Variants in GRM6 observed in about 807,000 individuals in gnomAD.
GRM6 encodes the protein glutamate metabotropic receptor 6, also known as metabotropic glutamate receptor 6.
In GRM6, 73 loss-of-function variants were observed where a neutral mutation model predicts 78.4. The ratio of observed to expected loss-of-function variants is 0.93; its 90% CI spans 0.77 to 1.13. GRM6 has a LOEUF of 1.13. GRM6 is among the 50% of genes most tolerant of loss of function. The pLI is 0.00. For missense variants in GRM6, 1,251 were observed against 1,256.4 expected (o/e 1.00, Z 0.07); for synonymous variants, 580 against 555.0 (o/e 1.05, Z -0.63).
chr5:178,994,920 C>T lies in GRM6; in HGVS notation c.25G>A (p.Glu9Lys). Residue 9 changes from glutamate (E) to lysine (K), a missense_variant, in exon 2 of 11, where the codon GAG becomes AAG. By Grantham distance (56) the Glu-to-Lys change is moderately conservative. Transcript: ENST00000517717. ...GGCAGCAGCGCCACGAGCAGCGGCT[C>T]CCGGGCTCTCCGGGGCCGCGCCATC... Reference protein sequence around the residue: MARPRRAREPLLVALLPLA... With the variant: MARPRRARKPLLVALLPLA... 5 of 1,200,032 alleles carry T rather than the reference C, an allele frequency of 4.2e-6. No individual in the cohort carries two copies. Among genetic ancestry groups the T allele is most frequent in the Non-Finnish European group, 5.2e-6 (5 of 967,236 alleles). 74.3% of individuals were successfully genotyped at this position (1,200,032 alleles called of 1,614,324 possible).
rs561067511 is a variant in GRM6, at chr5:178,994,420, GC to G, written c.504+20del. The G allele has an allele frequency of 1.0e-5, 15 of 1,488,334 alleles. No individual in the cohort carries two copies. The African/African-American group carries it at 1.6e-4, about 16-fold the overall frequency. 92.2% of individuals were successfully genotyped at this position (1,488,334 alleles called of 1,614,324 possible). A position where few individuals can be genotyped will look rare whatever the true frequency, so the allele number is the denominator to read the frequency against. ...ACGGGAGAGGGACGCTGGACACCGA[GC>G]CCGGCCCCGCGGCCCTCACCGCAAA... On this transcript the variant is annotated intron_variant, in intron 2 of 10. Coordinates refer to ENST00000517717, the MANE Select transcript of GRM6 (RefSeq NM_000843.4).
chr5:178,985,572 G>C lies in GRM6; in HGVS notation c.2124+558C>G, dbSNP rs62393062. 1.6e-3 allele frequency: 535 copies of C among 338,118 alleles called. 3 individuals carry two copies. The highest frequency in any genetic ancestry group is 5.7e-3 in the African/African-American group (261 of 45,670). 20.9% of individuals were successfully genotyped at this position (338,118 alleles called of 1,614,324 possible). A position where few individuals can be genotyped will look rare whatever the true frequency, so the allele number is the denominator to read the frequency against. ...CAAAAAATTAGCCGGGCGTGGTGGC[G>C]GGCGCCTGTAGTCCCAGCTACTCGG... is the stretch of plus-strand genomic sequence containing the variant. On this transcript the variant is annotated intron_variant, in intron 9 of 10. Transcript: ENST00000517717.
In GRM6 at chr5:178,986,885, C is replaced by T; in HGVS notation, c.1453G>A (p.Gly485Ser). Residue 485 changes from glycine (G) to serine (S), a missense_variant, in exon 8 of 11, where the codon GGC becomes AGC. Gly to Ser is a moderately conservative substitution (Grantham distance 56, BLOSUM62 0). Coordinates refer to ENST00000517717, the MANE Select transcript of GRM6 (RefSeq NM_000843.4). ...CACTGGCCCACTGCCTGGTACCCGCCACTGCTGGCACTGCCATTGGTCGCC... is the reference window on the plus strand; with the variant it reads ...CACTGGCCCACTGCCTGGTACCCGCTACTGCTGGCACTGCCATTGGTCGCC... ...YQATNGSASSGGYQAVGQWAE... is the reference protein window; with the variant it reads ...YQATNGSASSSGYQAVGQWAE... 1 of 1,614,162 alleles carries T rather than the reference C, an allele frequency of 6.2e-7. No homozygotes were observed. The highest frequency in any genetic ancestry group is 8.5e-7 in the Non-Finnish European group (1 of 1,180,028).
Position 178,994,844 on chromosome 5 carries a change from C to T in GRM6, c.101G>A (p.Arg34His). The T allele has an allele frequency of 8.2e-7, 1 of 1,219,216 alleles. No individual in the cohort carries two copies. Among genetic ancestry groups the T allele is most frequent in the Non-Finnish European group, 1.0e-6 (1 of 980,394 alleles). The allele number at this position is 1,219,216 out of a possible 1,614,324, so 75.5% of individuals were successfully genotyped here. A position where few individuals can be genotyped will look rare whatever the true frequency, so the allele number is the denominator to read the frequency against. The change falls in exon 2 of 11, where the codon CGC becomes CAC. Residue 34 changes from arginine to histidine, a missense_variant. By Grantham distance (29) the Arg-to-His change is conservative. Transcript: ENST00000517717. ...AGLARAAGSV[R>H]LAGGLTLGGL... is the part of the protein sequence containing the mutation. ...GCCCAGCGTCAGGCCGCCCGCCAGGCGCACAGAGCCCGCCGCGCGCGCCAG... is the reference window on the plus strand; with the variant it reads ...GCCCAGCGTCAGGCCGCCCGCCAGGTGCACAGAGCCCGCCGCGCGCGCCAG...
chr5:178,991,409 G>A lies in GRM6; in HGVS notation c.857+15C>T. The A allele has an allele frequency of 3.1e-6, 5 of 1,613,422 alleles. No homozygotes were observed. The highest frequency in any genetic ancestry group is 4.2e-6 in the Non-Finnish European group (5 of 1,179,458). On this transcript the variant is annotated intron_variant, in intron 4 of 10. Coordinates refer to ENST00000517717, the MANE Select transcript of GRM6 (RefSeq NM_000843.4). The surrounding 1 kb of genome is among the most constrained non-coding windows in gnomAD (Gnocchi z 5.0). ...GGAGAGCCCCAGGGGCCCGGTGATT[G>A]TGCCACTGTCCCACCTGATGTCATC...
chr5:178,984,985 A>G (rs1760481842), intron 9 of GRM6, among the ~76,000 whole-genome samples: 1 of 152,066 alleles, frequency 6.6e-6, no homozygotes, highest in South Asian at 2.1e-4. Flanking sequence ...CCAGACTCCA[A>G]GAGTTGTCTC....
rs1271148839 is a variant in GRM6 at position 178,992,420 on chromosome 5, A to C, written c.505-337T>G. 1 of 438,060 alleles carries C rather than the reference A, an allele frequency of 2.3e-6. No homozygotes were observed. The highest frequency in any genetic ancestry group is 4.5e-6 in the Non-Finnish European group (1 of 222,338). 27.1% of individuals were successfully genotyped at this position (438,060 alleles called of 1,614,324 possible). A position where few individuals can be genotyped will look rare whatever the true frequency, so the allele number is the denominator to read the frequency against. ...ACCCCCAGCAGAGGGCCTGCAGCCC[A>C]TCCAGCTGCATCTGCCTGTCCTAGT... On this transcript the variant is annotated intron_variant, in intron 2 of 10. Transcript: ENST00000517717. This position sits in a 1 kb window ranked among gnomAD's most constrained non-coding sequence, Gnocchi z 4.9.
chr5:178,985,652 G>C, intron 9 of GRM6: 3 of 388,484 alleles, frequency 7.7e-6, no homozygotes, highest in South Asian at 5.7e-5. Flanking sequence ...GCAGGGAGCT[G>C]AGATAGTGCC....
intron 9 of GRM6, chr5:178,985,355 T>TA (rs1297964314): frequency 1.7e-5 from 7 of 422,534 alleles, no homozygotes; most frequent in Non-Finnish European, 3.3e-5. Context: ...ATGGCGGCCC[T>TA]AACTGAGCTG....
At chr5:178,985,517 C>G (rs1471712414) in intron 9 of GRM6, 1 of 339,226 alleles carries the variant, frequency 2.9e-6, no homozygotes, top group South Asian at 2.3e-5. Flanking sequence ...TCCTGGCTAA[C>G]ACGGTGAAGC....
chr5:178,985,573 G>C (rs555015227), intron 9 of GRM6: 9 of 338,770 alleles, frequency 2.7e-5, no homozygotes, highest in East Asian at 8.3e-5. Context: ...CGTGGTGGCG[G>C]GCGCCTGTAG....
intron 6 of GRM6, 54 bp downstream of exon 6, chr5:178,989,211 A>AACC: frequency 4.1e-5 from 5 of 121,712 alleles, no homozygotes; most frequent in Admixed American, 1.8e-4. Context: ...CCCCCTCCCC[A>AACC]CCCTCACCAC....
In GRM6 at chr5:178,979,576, C is replaced by A. The variant is rs1212433416; in HGVS notation, c.*2081G>T. On this transcript the variant is annotated 3_prime_UTR_variant, in exon 11 of 11. Coordinates refer to ENST00000517717, the MANE Select transcript of GRM6 (RefSeq NM_000843.4). ...AGTGTGAAAGTCGTCTGCGGGAAGCCAGGACTCTATGCCAGAAACTTCACA... is the reference window on the plus strand; with the variant it reads ...AGTGTGAAAGTCGTCTGCGGGAAGCAAGGACTCTATGCCAGAAACTTCACA... 6.6e-6 allele frequency: 1 copy of A among 152,184 alleles called. No individual in the cohort carries two copies. The highest frequency in any genetic ancestry group is 1.5e-5 in the Non-Finnish European group (1 of 68,040). The allele number at this position is 152,184 out of a possible 1,614,324, so 9.4% of individuals were successfully genotyped here.
In GRM6 at chr5:178,986,283, C is replaced by T; in HGVS notation, c.1971G>A (p.Leu657=). ...AGTAGCTGAGGGTCGTGCCCAGGCCCAGGAAGAGCCTGCGGGCGGCACAGA... is the reference window on the plus strand; with the variant it reads ...AGTAGCTGAGGGTCGTGCCCAGGCCTAGGAAGAGCCTGCGGGCGGCACAGA... ...AAVCAARRLF[L]GLGTTLSYSA... Residue 657 remains leucine (L), a synonymous_variant, in exon 9 of 11, where the codon CTG becomes CTA. Coordinates refer to ENST00000517717, the MANE Select transcript of GRM6 (RefSeq NM_000843.4). 6.2e-7 allele frequency: 1 copy of T among 1,614,096 alleles called. No individual in the cohort carries two copies. The highest frequency in any genetic ancestry group is 8.5e-7 in the Non-Finnish European group (1 of 1,179,998).
At position 178,986,650 on chromosome 5, in the gene GRM6, G is replaced by C; in HGVS notation, c.1604C>G (p.Pro535Arg). 1 of 1,602,674 alleles carries C rather than the reference G, an allele frequency of 6.2e-7. No homozygotes were observed. The highest frequency in any genetic ancestry group is 8.5e-7 in the Non-Finnish European group (1 of 1,179,898). The change falls in exon 9 of 11, where the codon CCC (proline) becomes CGC (arginine). Residue 535 changes from proline (P) to arginine (R), a missense_variant. Physicochemically the swap from Pro to Arg is moderately radical, Grantham distance 103 (BLOSUM62 -2). Transcript: ENST00000517717. ...ACAGGCCTCGCAGTGCCAACAGCAG[G>C]GGACGCCCTTCACCATCTTCTTCCG... ...GERKKMVKGV[P>R]CCWHCEACDG...
intron 9 of GRM6, chr5:178,985,635 A>T (rs141019077): frequency 1.6e-5 from 6 of 374,554 alleles, no homozygotes; most frequent in Admixed American, 1.0e-4. Context: ...CCCGGAAGGC[A>T]GAGCTTGCAG....
intron 7 of GRM6, 168 bp from the exon 8 acceptor site, chr5:178,987,151 G>A (rs1760583985): frequency 5.4e-6 from 4 of 743,792 alleles, no homozygotes; most frequent in South Asian, 4.4e-5. Flanking sequence ...CCATTGGGAT[G>A]GCTTCTAGCC....
chr5:178,984,293 C>T (rs912288793), intron 9 of GRM6, among the ~76,000 whole-genome samples: 3 of 39,382 alleles, frequency 7.6e-5, no homozygotes, highest in Middle Eastern at 0.015. Context: ...CGAGCGAGCA[C>T]GCCTCACTCG....
In GRM6 at chr5:178,986,263, C is replaced by G. The variant is rs924018426; in HGVS notation, c.1991G>C (p.Ser664Thr). The part of the protein sequence containing the change: ...RLFLGLGTTL[S>T]YSALLTKTNR... ...GGTCTTGGTGAGCAGGGCAGAGTAG[C>G]TGAGGGTCGTGCCCAGGCCCAGGAA... The change falls in exon 9 of 11, where the codon AGC becomes ACC. Residue 664 changes from serine to threonine, a missense_variant. Coordinates refer to ENST00000517717, the MANE Select transcript of GRM6 (RefSeq NM_000843.4). 1 of 1,614,036 alleles carries G rather than the reference C, an allele frequency of 6.2e-7. No homozygotes were observed. Among genetic ancestry groups the G allele is most frequent in the African/African-American group, 1.3e-5 (1 of 74,936 alleles).
Sources: allele counts gnomAD v4.1 joint callset (sites outside exome capture counted in the v4.1 genomes callset), GRCh38; gene constraint gnomAD v4.1.1; non-coding constraint Gnocchi (gnomAD v3.1); transcripts MANE v1.5; gene names NCBI Gene and HGNC (gene_info 2026-07-23, HGNC 2026-07-21).